Variants in STON2 observed in about 807,000 individuals in gnomAD.
The protein encoded by STON2 is stonin 2.
Under a neutral mutation model 65.7 loss-of-function variants are expected in STON2, and 29 were observed. That is an observed-to-expected ratio of 0.44 (90% CI 0.33 to 0.60). The LOEUF (loss-of-function observed/expected upper bound fraction) is 0.60. STON2 is among the 20% of genes least tolerant of loss of function. STON2 has a pLI of 0.03. For synonymous variants in STON2, 404 were observed against 414.2 expected (o/e 0.98, Z 0.30); for missense variants, 1,054 against 1,118.1 (o/e 0.94, Z 0.82).
At chr14:81,340,722 C>T (rs1053532545) in intron 4 of STON2, among the ~76,000 whole-genome samples, 1 of 152,070 alleles carries the variant, frequency 6.6e-6, no homozygotes, top group African/African-American at 2.4e-5. Flanking sequence ...GAGCACTGCA[C>T]ACAGACACCA....
At chr14:81,349,361 C>T (rs1167860335) in intron 4 of STON2, among the ~76,000 whole-genome samples, 1 of 151,956 alleles carries the variant, frequency 6.6e-6, no homozygotes, top group African/African-American at 2.4e-5. Context: ...CTAATACTCG[C>T]ATATATTAGG....
chr14:81,367,818 G>T (rs372719532), intron 4 of STON2, among the ~76,000 whole-genome samples: 21 of 141,956 alleles, frequency 1.5e-4, no homozygotes, highest in African/African-American at 4.8e-4. Context: ...GCAGATGGAG[G>T]TAAGATGCAA....
chr14:81,353,634 A>G (rs1898108230), intron 4 of STON2, among the ~76,000 whole-genome samples: 1 of 152,246 alleles, frequency 6.6e-6, no homozygotes, highest in Non-Finnish European at 1.5e-5. Flanking sequence ...GCTTGGGACC[A>G]CATTTTCTAC....
At chr14:81,418,386 C>G (rs994454661) in intron 2 of STON2, 1 of 152,154 alleles carries the variant, frequency 6.6e-6, no homozygotes, top group East Asian at 1.9e-4. Context: ...TCCTATAATA[C>G]GTGGGAATTC....
chr14:81,327,340 T>C (rs1897037069), intron 4 of STON2, among the ~76,000 whole-genome samples: 1 of 152,214 alleles, frequency 6.6e-6, no homozygotes, highest in African/African-American at 2.4e-5. Flanking sequence ...TTCCTTGCAA[T>C]TTACTTCTTG....
At chr14:81,344,251 A>G (rs138506403) in intron 4 of STON2, among the ~76,000 whole-genome samples, 7 of 152,346 alleles carry the variant, frequency 4.6e-5, no homozygotes, top group Admixed American at 3.3e-4. Context: ...ATTAACGTAT[A>G]CTTATTATAA....
At chr14:81,318,549 C>T (rs1896708239) in intron 5 of STON2, among the ~76,000 whole-genome samples, 1 of 152,206 alleles carries the variant, frequency 6.6e-6, no homozygotes, top group African/African-American at 2.4e-5. Flanking sequence ...TGCAGTTTCT[C>T]ACACTAAAAA....
At chr14:81,299,836 T>G (rs1566896436) in intron 5 of STON2, among the ~76,000 whole-genome samples, 1 of 152,040 alleles carries the variant, frequency 6.6e-6, no homozygotes, top group Non-Finnish European at 1.5e-5. Flanking sequence ...ATGGAGAGAT[T>G]TCATGTTCAT....
At position 81,282,942 on chromosome 14, in the gene STON2, C is replaced by A. The variant is rs17111666; in HGVS notation, c.743-4203G>T. Among the ~76,000 whole-genome samples, 71 of 152,284 alleles carry A rather than the reference C, an allele frequency of 4.7e-4. No homozygotes were observed. The East Asian group carries it at 0.014, about 29-fold the overall frequency. On this transcript the variant is annotated intron_variant, in intron 5 of 7. Coordinates refer to ENST00000614646, the MANE Select transcript of STON2 (RefSeq NM_001394390.1). ...AAGTATCTTGATCACAAAGCTAATT[C>A]TTCTCCACAATTCAATTTACTAATT...
chr14:81,361,242 T>G (rs891036571), intron 4 of STON2, among the ~76,000 whole-genome samples: 1 of 152,080 alleles, frequency 6.6e-6, no homozygotes, highest in African/African-American at 2.4e-5. Context: ...CACACCATAT[T>G]ACTTGAAACA....
chr14:81,318,487 T>C (rs1388077025), intron 5 of STON2, among the ~76,000 whole-genome samples: 1 of 152,246 alleles, frequency 6.6e-6, no homozygotes, highest in East Asian at 1.9e-4. Context: ...AGTATTTTAA[T>C]GGCTCTATTT....
At chr14:81,337,408 G>T (rs969931229) in intron 4 of STON2, among the ~76,000 whole-genome samples, 2 of 152,218 alleles carry the variant, frequency 1.3e-5, no homozygotes, top group Admixed American at 6.5e-5. Flanking sequence ...CCCTGTGCAT[G>T]TGGAGTTCAT....
Position 81,268,103 on chromosome 14 carries a change from T to C in STON2, c.*311A>G. 1 of 1,036,330 alleles carries C rather than the reference T, an allele frequency of 9.6e-7. No homozygotes were observed. 64.2% of individuals were successfully genotyped at this position (1,036,330 alleles called of 1,614,324 possible). On this transcript the variant is annotated 3_prime_UTR_variant, in exon 8 of 8. Transcript: ENST00000614646. ...ACTGTAACAGTCACAACAAACCACA[T>C]ACCAGTGCTGTGAGATAAGCAGAGA... is the stretch of plus-strand genomic sequence containing the variant.
At chr14:81,381,094 A>G (rs1322551195) in intron 3 of STON2, among the ~76,000 whole-genome samples, 1 of 152,222 alleles carries the variant, frequency 6.6e-6, no homozygotes, top group East Asian at 1.9e-4. Context: ...TATTCATGTT[A>G]AAATAAACAA....
At chr14:81,357,150 T>C (rs958879470) in intron 4 of STON2, among the ~76,000 whole-genome samples, 1 of 151,632 alleles carries the variant, frequency 6.6e-6, no homozygotes, top group Non-Finnish European at 1.5e-5. Context: ...AACCTACTCA[T>C]CTGACAAAGG....
Position 81,266,809 on chromosome 14 carries a change from C to A in STON2, c.*1605G>T. The A allele has an allele frequency of 1.1e-6, 1 of 877,802 alleles. No individual in the cohort carries two copies. Among genetic ancestry groups the A allele is most frequent in the Non-Finnish European group, 1.3e-6 (1 of 781,526 alleles). The allele number at this position is 877,802 out of a possible 1,614,324, so 54.4% of individuals were successfully genotyped here. ...CCTAACACCGTTCCCATCAACACCACACACATAAACACACACAAACACACA... is the reference window on the plus strand; with the variant it reads ...CCTAACACCGTTCCCATCAACACCAAACACATAAACACACACAAACACACA... On this transcript the variant is annotated 3_prime_UTR_variant, in exon 8 of 8. Coordinates refer to ENST00000614646, the MANE Select transcript of STON2 (RefSeq NM_001394390.1).
intron 5 of STON2, among the ~76,000 whole-genome samples, chr14:81,311,252 G>A (rs1006612311): frequency 6.6e-6 from 1 of 152,062 alleles, no homozygotes; most frequent in Admixed American, 6.6e-5. Context: ...GAAGAGTATG[G>A]GAATAGGTCT....
Position 81,276,963 on chromosome 14 carries a change from T to G in STON2, c.2519A>C (p.Lys840Thr), listed in dbSNP as rs755665791. 6 of 1,614,214 alleles carry G rather than the reference T, an allele frequency of 3.7e-6. No homozygotes were observed. In the East Asian group the frequency reaches 1.1e-4, roughly 30 times the overall value. ...AATGGAGTTGAAGGCATGCTCGTAC[T>G]TGGCAGTTCCCAGAGTTACTCTCAT... ...PVMRVTLGTA[K>T]YEHAFNSIVW... is the part of the protein sequence containing the mutation. The change falls in exon 6 of 8, where the codon AAG becomes ACG. Residue 840 changes from lysine (K) to threonine (T), a missense_variant. Lys to Thr is a moderately conservative substitution (Grantham distance 78, BLOSUM62 -1). Coordinates refer to ENST00000614646, the MANE Select transcript of STON2 (RefSeq NM_001394390.1).
At chr14:81,408,157 A>ACACACGCGCGCG (rs147841517) in intron 2 of STON2, among the ~76,000 whole-genome samples, 6 of 150,410 alleles carry the variant, frequency 4.0e-5, no homozygotes, top group African/African-American at 1.5e-4. Context: ...ACACACACAC[A>ACACACGCGCGCG]CGCGCACACA....
Sources: gnomAD v4.1 joint callset for allele counts (sites outside exome capture counted in the v4.1 genomes callset) on GRCh38, gnomAD v4.1.1 for gene constraint, MANE v1.5 for transcripts, NCBI Gene and HGNC (gene_info 2026-07-23, HGNC 2026-07-21) for gene names.